The following ANXA2 variants were observed in gnomAD, a reference collection of about 807,000 sequenced individuals.
The protein encoded by ANXA2 is annexin II.
Under a neutral mutation model 47.3 loss-of-function variants are expected in ANXA2, and 28 were observed. The ratio of observed to expected loss-of-function variants is 0.59; its 90% confidence interval spans 0.44 to 0.81. ANXA2 has a LOEUF of 0.81. Ranked by LOEUF, ANXA2 falls within the 40% of genes least tolerant of loss-of-function variation. The probability of loss-of-function intolerance (pLI) is 0.00; values close to 1 mark genes in which losing one functional copy is unlikely to be tolerated. For missense variants in ANXA2, 384 were observed against 414.3 expected (o/e 0.93, Z 0.64); for synonymous variants, 172 against 155.5 (o/e 1.11, Z -0.79).
intron 3 of ANXA2, among the ~76,000 whole-genome samples, chr15:60,368,319 AAT>A (rs2062665424): frequency 1.1e-5 from 1 of 93,812 alleles, no homozygotes; most frequent in South Asian, 3.4e-4. Flanking sequence ...AAAAAAAAAA[AAT>A]AAAATAAAAT....
intron 3 of ANXA2, among the ~76,000 whole-genome samples, chr15:60,375,671 A>G (rs536216973): frequency 4.9e-4 from 75 of 152,336 alleles, no homozygotes; most frequent in African/African-American, 1.7e-3. Flanking sequence ...TGCATAGTCT[A>G]CCTCAGGACG....
intron 7 of ANXA2, among the ~76,000 whole-genome samples, 157 bp from the exon 8 acceptor site, chr15:60,354,370 G>T (rs532568503): frequency 6.6e-6 from 1 of 152,258 alleles, no homozygotes; most frequent in Admixed American, 6.5e-5. Flanking sequence ...GGCCGGGCAC[G>T]GTGGCTCACG....
At chr15:60,369,021 G>T (rs943086821) in intron 3 of ANXA2, among the ~76,000 whole-genome samples, 4 of 152,112 alleles carry the variant, frequency 2.6e-5, no homozygotes, top group African/African-American at 9.7e-5. Flanking sequence ...AAGCTCAGAG[G>T]GACTGCAGCC....
chr15:60,357,023 G>C, intron 6 of ANXA2, 123 bp downstream of exon 6: 1 of 786,236 alleles, frequency 1.3e-6, no homozygotes, highest in East Asian at 2.6e-5. Context: ...GCATAGTCAA[G>C]GTGGCAGGCA....
rs775265856 is a variant in ANXA2, at chr15:60,364,379, G to T, written c.243+50C>A. 13 of 1,479,994 alleles carry T rather than the reference G, an allele frequency of 8.8e-6. No homozygotes were observed. In the African/African-American group the frequency reaches 1.8e-4, roughly 21 times the overall value. 91.7% of individuals were successfully genotyped at this position (1,479,994 alleles called of 1,614,324 possible). On this transcript the variant is annotated intron_variant, in intron 4 of 12. Coordinates refer to ENST00000451270, the MANE Select transcript of ANXA2 (RefSeq NM_004039.3). ...ATGAAAAGAAAAAGCAATGTCTGAG[G>T]AAACAAAAATTCAACAAGAAATGCC...
At chr15:60,376,017 G>C (rs1276824299) in intron 3 of ANXA2, among the ~76,000 whole-genome samples, 3 of 152,156 alleles carry the variant, frequency 2.0e-5, no homozygotes, top group Non-Finnish European at 4.4e-5. Context: ...AGAGGGCCGT[G>C]AACAGAGCCA....
chr15:60,349,068 G>T lies in ANXA2; in HGVS notation c.960+7C>A. The T allele has an allele frequency of 6.2e-7, 1 of 1,613,878 alleles. No individual in the cohort carries two copies. Among genetic ancestry groups the T allele is most frequent in the African/African-American group, 1.3e-5 (1 of 74,994 alleles). ...CAGGGCAGGCTGACACTGCACCTCG[G>T]GCTTACCTGGATATAATAGTACAGG... On this transcript the variant is annotated splice_region_variant and intron_variant, in intron 12 of 12. Transcript: ENST00000451270.
chr15:60,356,126 C>T (rs1339807529), intron 6 of ANXA2, 128 bp from the exon 7 acceptor site: 3 of 675,778 alleles, frequency 4.4e-6, no homozygotes, highest in Non-Finnish European at 7.8e-6. Context: ...ATCCATTCTC[C>T]TTAACCCCAA....
intron 6 of ANXA2, among the ~76,000 whole-genome samples, chr15:60,356,515 C>CA (rs993003812): frequency 8.7e-5 from 13 of 150,040 alleles, no homozygotes; most frequent in Non-Finnish European, 1.2e-4. Flanking sequence ...GTTCCTGATA[C>CA]AAAAAAAAAG....
chr15:60,385,238 A>G (rs1016035859), intron 2 of ANXA2, among the ~76,000 whole-genome samples: 3 of 152,212 alleles, frequency 2.0e-5, no homozygotes, highest in Non-Finnish European at 2.9e-5. Flanking sequence ...TAGCTTTTTT[A>G]GAGAAAATAT....
chr15:60,361,787 T>C (rs993055675), intron 4 of ANXA2, among the ~76,000 whole-genome samples: 13 of 152,158 alleles, frequency 8.5e-5, no homozygotes, highest in Admixed American at 7.2e-4. Flanking sequence ...TCAGCACCCA[T>C]GTATGTAGAC....
intron 3 of ANXA2, among the ~76,000 whole-genome samples, chr15:60,367,291 C>A (rs1216298835): frequency 3.0e-5 from 4 of 131,816 alleles, no homozygotes; most frequent in Non-Finnish European, 6.6e-5. Flanking sequence ...CCCGCCCGGC[C>A]AGCCGCCCCG....
intron 2 of ANXA2, chr15:60,383,116 A>G (rs896949379): frequency 2.6e-5 from 4 of 152,440 alleles, no homozygotes; most frequent in African/African-American, 2.4e-5. Flanking sequence ...TCCTTTCCCA[A>G]TGCTTTTCTT....
At chr15:60,374,392 C>T (rs2062749915) in intron 3 of ANXA2, 1 of 451,918 alleles carries the variant, frequency 2.2e-6, no homozygotes, top group Non-Finnish European at 4.4e-6. Flanking sequence ...CCTCATGGGA[C>T]AGAAAATTAA....
At chr15:60,353,323 G>A (rs1261485767) in intron 8 of ANXA2, among the ~76,000 whole-genome samples, 1 of 152,022 alleles carries the variant, frequency 6.6e-6, no homozygotes, top group African/African-American at 2.4e-5. Flanking sequence ...AAAAGGACAG[G>A]TCTCTGCTGG....
At chr15:60,368,918 C>A (rs2140870168) in intron 3 of ANXA2, among the ~76,000 whole-genome samples, 1 of 152,282 alleles carries the variant, frequency 6.6e-6, no homozygotes, top group East Asian at 1.9e-4. Flanking sequence ...TCTTCAGTTT[C>A]CAAACATCGT....
chr15:60,387,097 T>C (rs781486153), intron 1 of ANXA2: 1 of 152,222 alleles, frequency 6.6e-6, no homozygotes, highest in African/African-American at 2.4e-5. Flanking sequence ...CGAGAGTATG[T>C]GACATAGATA....
intron 3 of ANXA2, among the ~76,000 whole-genome samples, chr15:60,365,239 C>T (rs1415651823): frequency 2.0e-5 from 3 of 151,674 alleles, no homozygotes; most frequent in African/African-American, 7.3e-5. Flanking sequence ...TTTTGAGGTG[C>T]CACCAAAATA....
chr15:60,397,473 T>G, intron 1 of ANXA2: 1 of 289,884 alleles, frequency 3.4e-6, no homozygotes. Flanking sequence ...CAAGCGCGCG[T>G]TTGTTTCGAG....
Sources: allele counts gnomAD v4.1 joint callset (sites outside exome capture counted in the v4.1 genomes callset), GRCh38; gene constraint gnomAD v4.1.1; transcripts MANE v1.5; gene names NCBI Gene and HGNC (gene_info 2026-07-23, HGNC 2026-07-21).